The following CLEC12A variants were observed in gnomAD, a reference collection of about 807,000 sequenced individuals.
The protein encoded by CLEC12A is C-type lectin protein CLL-1.
In CLEC12A, 22 loss-of-function variants were observed where a neutral mutation model predicts 26.5. The observed-to-expected ratio is 0.83, with a 90% CI of 0.59 to 1.19. The LOEUF is 1.19. Among genes scored for constraint, CLEC12A ranks in the 50% most tolerant of loss-of-function variants. CLEC12A has a pLI of 0.00. For synonymous variants in CLEC12A, 119 were observed against 101.9 expected, an observed-to-expected ratio of 1.17 and a Z score of -1.01; for missense variants, 353 against 315.6, an observed-to-expected ratio of 1.12 and a Z score of -0.90.
intron 1 of CLEC12A, 114 bp downstream of exon 1, chr12:9,971,801 C>A (rs1248690069): frequency 2.3e-6 from 2 of 864,412 alleles, no homozygotes; most frequent in Non-Finnish European, 1.6e-6. Context: ...TCAATTAAGT[C>A]TCTTATGTTT....
At chr12:9,967,736 G>A (rs563126675), upstream of CLEC12A, among the ~76,000 whole-genome samples, 4 of 152,036 alleles carry the variant, frequency 2.6e-5, no homozygotes, top group Admixed American at 2.6e-4. Flanking sequence ...AAAGCGGTGG[G>A]GTTCTTGCCC....
chr12:9,962,325 G>A lies in CLEC12A; in HGVS notation c.11-9252G>A, dbSNP rs559648777. Among the ~76,000 whole-genome samples, 250 of 148,370 alleles carry A rather than the reference G, an allele frequency of 1.7e-3. 1 individual carries two copies. Among genetic ancestry groups the A allele is most frequent in the African/African-American group, 6.1e-3 (244 of 40,186 alleles). On this transcript the variant is annotated intron_variant, in intron 1 of 6. Transcript: ENST00000355690. ...ACCTGAGTATATCACTGTCACTGTG[G>A]TCTCTCAACTTTTAAATTATGTGAC...
At chr12:9,996,323 T>C (rs978361068), downstream of CLEC12A, among the ~76,000 whole-genome samples, 1 of 152,232 alleles carries the variant, frequency 6.6e-6, no homozygotes, top group Non-Finnish European at 1.5e-5. Context: ...GTTGCATGAC[T>C]ACTTTTAGTT....
chr12:9,982,171 G>A (rs764882918), intron 5 of CLEC12A, 42 bp downstream of exon 5: 3 of 1,087,240 alleles, frequency 2.8e-6, no homozygotes, highest in African/African-American at 1.6e-5. Context: ...CTGGGTTTGA[G>A]TAGAGGTATT....
At chr12:9,971,396 A>G (rs1864117051), upstream of CLEC12A, 1 of 1,203,180 alleles carries the variant, frequency 8.3e-7, no homozygotes, top group African/African-American at 1.6e-5. Context: ...AACTGAAGCC[A>G]CAGATGAGAT....
chr12:10,005,342 G>C, the CLEC12A span, among the ~76,000 whole-genome samples: 1 of 152,172 alleles, frequency 6.6e-6, no homozygotes, highest in Non-Finnish European at 1.5e-5. Context: ...AGTTCTTCTG[G>C]ACAGGCTCAA....
intron 1 of CLEC12A, among the ~76,000 whole-genome samples, chr12:9,953,647 C>T (rs1414614164): frequency 4.6e-5 from 7 of 151,622 alleles, no homozygotes; most frequent in African/African-American, 1.5e-4. Context: ...CGCCTCTGCC[C>T]GGCCGCCCCT....
chr12:9,987,160 A>C (rs966627657), downstream of CLEC12A, among the ~76,000 whole-genome samples: 11 of 152,252 alleles, frequency 7.2e-5, no homozygotes, highest in Admixed American at 2.6e-4. Flanking sequence ...AATGCCATTT[A>C]CAAGCCAACA....
chr12:9,959,548 C>G (rs565179565), intron 1 of CLEC12A, among the ~76,000 whole-genome samples: 19 of 152,086 alleles, frequency 1.2e-4, no homozygotes, highest in African/African-American at 4.1e-4. Context: ...GTCCCTGGCA[C>G]CTCTATTCTT....
At chr12:9,962,314 CT>C (rs1183279457) in intron 1 of CLEC12A, among the ~76,000 whole-genome samples, 4 of 143,408 alleles carry the variant, frequency 2.8e-5, no homozygotes, top group Non-Finnish European at 4.5e-5. Flanking sequence ...GAGTATATCA[CT>C]GTCACTGTGG....
intron 5 of CLEC12A, chr12:9,983,386 T>C (rs1212099390): frequency 3.5e-6 from 2 of 566,614 alleles, no homozygotes; most frequent in East Asian, 5.8e-5. Flanking sequence ...TGTAGTATAA[T>C]GAGGAATGTG....
chr12:9,955,806 A>G (rs1250102689), intron 1 of CLEC12A, among the ~76,000 whole-genome samples: 1 of 152,240 alleles, frequency 6.6e-6, no homozygotes, highest in African/African-American at 2.4e-5. Context: ...TGCTTCTCCT[A>G]TCAGAGTCCC....
intron 4 of CLEC12A, chr12:9,993,020 T>C (rs1864927145): frequency 1.2e-6 from 1 of 855,870 alleles, no homozygotes; most frequent in Non-Finnish European, 1.8e-6. Context: ...AAAGATAATA[T>C]TAAAAATAAC....
At chr12:9,993,242 A>G (rs894518759) in intron 4 of CLEC12A, 4 of 1,612,896 alleles carry the variant, frequency 2.5e-6, no homozygotes, top group Non-Finnish European at 3.4e-6. Context: ...CATTATGAAA[A>G]TAAGCACAAT....
intron 1 of CLEC12A, among the ~76,000 whole-genome samples, chr12:9,977,434 A>G (rs555912137): frequency 6.6e-6 from 1 of 152,344 alleles, no homozygotes; most frequent in South Asian, 2.1e-4. Flanking sequence ...AAACAAAACA[A>G]AAGAAAACAA....
At chr12:9,992,097 G>A (rs1007866800) in intron 4 of CLEC12A, 11 of 152,032 alleles carry the variant, frequency 7.2e-5, no homozygotes, top group Admixed American at 5.9e-4. Context: ...GGGAAGCTGT[G>A]GGAAAGAAAT....
At chr12:9,959,165 A>G (rs1863789038) in intron 1 of CLEC12A, among the ~76,000 whole-genome samples, 1 of 152,090 alleles carries the variant, frequency 6.6e-6, no homozygotes, top group African/African-American at 2.4e-5. Context: ...AGAAATATTA[A>G]CTTGGCTGGG....
downstream of CLEC12A, among the ~76,000 whole-genome samples, chr12:9,989,338 A>G (rs559728585): frequency 2.1e-5 from 3 of 144,032 alleles, no homozygotes; most frequent in Non-Finnish European, 3.0e-5. Context: ...CGTTGTGCAC[A>G]TGTACCCTAA....
chr12:9,995,378 ATTTGATGTT>A, exon 5 of CLEC12A: 1 of 779,706 alleles, frequency 1.3e-6, no homozygotes, highest in Non-Finnish European at 2.2e-6. Context: ...AATGGATTAC[ATTTGATGTT>A]TGAAATTGTA....
Sources: gnomAD v4.1 joint callset for allele counts (sites outside exome capture counted in the v4.1 genomes callset) on GRCh38, gnomAD v4.1.1 for gene constraint, MANE v1.5 for transcripts, NCBI Gene and HGNC (gene_info 2026-07-23, HGNC 2026-07-21) for gene names.